Variants in DLGAP2 observed in about 807,000 individuals in gnomAD.
The protein encoded by DLGAP2 is DLG associated protein 2, also known as disks large-associated protein 2.
Under a neutral mutation model 100.3 loss-of-function variants are expected in DLGAP2, and 26 were observed. The ratio of observed to expected loss-of-function variants is 0.26; its 90% CI spans 0.19 to 0.36. The LOEUF (loss-of-function observed/expected upper bound fraction) is 0.36. Ranked by LOEUF, DLGAP2 falls within the 10% of genes least tolerant of loss-of-function variation. The pLI is 1.00. For missense variants in DLGAP2, 1,858 were observed against 1,453.2 expected, an observed-to-expected ratio of 1.28 and a Z score of -4.53; for synonymous variants, 886 against 630.1, an observed-to-expected ratio of 1.41 and a Z score of -6.08.
At position 1,683,315 on chromosome 8, in the gene DLGAP2, C is replaced by G. The variant is rs539714937; in HGVS notation, c.2704+4686C>G. On this transcript the variant is annotated intron_variant, in intron 12 of 14. Transcript: ENST00000637795. The stretch of plus-strand genomic sequence containing the variant: ...GATGGTGGTGACTGAAAAGGAGATT[C>G]AAGAGTCCACGCAGAGGCAGAGAAC... 8.7e-4 allele frequency among the ~76,000 whole-genome samples: 132 copies of G among 151,576 alleles called. 1 individual carries two copies. Among genetic ancestry groups the G allele is most frequent in the African/African-American group, 3.1e-3 (129 of 41,464 alleles).
At chr8:1,661,716 C>G (rs1027961224) in intron 8 of DLGAP2, among the ~76,000 whole-genome samples, 3 of 152,144 alleles carry the variant, frequency 2.0e-5, no homozygotes, top group African/African-American at 7.2e-5. Flanking sequence ...ATGATGCTAT[C>G]TGGGAGGCCT....
rs760210268 is a variant in DLGAP2 at position 1,546,726 on chromosome 8, C to T, written c.173-1900C>T. 3.9e-5 allele frequency among the ~76,000 whole-genome samples: 6 copies of T among 152,092 alleles called. No individual in the cohort carries two copies. In the South Asian group the frequency reaches 1.2e-3, roughly 32 times the overall value. ...GAGTCAGAGTGGGTGGCTCTCCAAG[C>T]GCAGGGCATGATGGACTCACCCCAA... On this transcript the variant is annotated intron_variant, in intron 4 of 14. Coordinates refer to ENST00000637795, the MANE Select transcript of DLGAP2 (RefSeq NM_001346810.2).
chr8:1,602,868 C>G (rs1029829175), intron 6 of DLGAP2, among the ~76,000 whole-genome samples: 1 of 152,194 alleles, frequency 6.6e-6, no homozygotes, highest in African/African-American at 2.4e-5. Flanking sequence ...GACAGGTGAT[C>G]AGTAATAAAA....
At chr8:880,888 T>A (rs1339027999) in intron 1 of DLGAP2, among the ~76,000 whole-genome samples, 2 of 152,244 alleles carry the variant, frequency 1.3e-5, no homozygotes, top group East Asian at 1.9e-4. Flanking sequence ...CCTCCATGCA[T>A]AAACATAATG....
intron 12 of DLGAP2, among the ~76,000 whole-genome samples, chr8:1,690,757 A>AT (rs1799239997): frequency 6.6e-6 from 1 of 151,852 alleles, no homozygotes; most frequent in African/African-American, 2.4e-5. Flanking sequence ...AAATAAAGTC[A>AT]TTGCAATTAG....
chr8:1,391,785 A>T (rs1434981269), intron 3 of DLGAP2, among the ~76,000 whole-genome samples: 1 of 152,268 alleles, frequency 6.6e-6, no homozygotes, highest in East Asian at 1.9e-4. Context: ...CCCTTTCTCA[A>T]GCCAGTTTAT....
chr8:741,784 C>G (rs1820492820), intron 1 of DLGAP2, among the ~76,000 whole-genome samples: 1 of 152,212 alleles, frequency 6.6e-6, no homozygotes, highest in African/African-American at 2.4e-5. Context: ...GAGGTGGCTC[C>G]TGACTGGCCG....
intron 3 of DLGAP2, among the ~76,000 whole-genome samples, chr8:1,271,761 T>C (rs11782870): frequency 0.025 from 3,775 of 152,312 alleles, 55 homozygotes; most frequent in Middle Eastern, 0.065. Flanking sequence ...TTGTTTAAGA[T>C]GAATAAATTC....
chr8:1,006,683 C>T (rs1481468016), intron 2 of DLGAP2, among the ~76,000 whole-genome samples: 11 of 100,618 alleles, frequency 1.1e-4, no homozygotes, highest in Non-Finnish European at 5.6e-5. Flanking sequence ...GGGCGCCCTG[C>T]GTCTCAAGTC....
chr8:1,312,106 C>G (rs1298108724), intron 3 of DLGAP2, among the ~76,000 whole-genome samples: 1 of 152,218 alleles, frequency 6.6e-6, no homozygotes, highest in Non-Finnish European at 1.5e-5. Context: ...AACACAGATT[C>G]TTCCCAAGCT....
At chr8:1,593,084 G>C (rs1250915650) in intron 6 of DLGAP2, among the ~76,000 whole-genome samples, 2 of 152,130 alleles carry the variant, frequency 1.3e-5, no homozygotes, top group Non-Finnish European at 2.9e-5. Context: ...TAATGGAGTA[G>C]GAAGGTCTGG....
intron 6 of DLGAP2, among the ~76,000 whole-genome samples, chr8:1,604,997 G>C (rs1489850689): frequency 6.6e-6 from 1 of 152,192 alleles, no homozygotes; most frequent in Admixed American, 6.5e-5. Flanking sequence ...GATAAAGATA[G>C]TGCAGTCGCT....
chr8:1,482,084 A>C (rs1799115256), intron 3 of DLGAP2, among the ~76,000 whole-genome samples: 2 of 152,250 alleles, frequency 1.3e-5, no homozygotes, highest in Admixed American at 1.3e-4. Context: ...ACAAGAAATG[A>C]AAGCATCCAA....
chr8:926,593 C>T (rs897237446), intron 2 of DLGAP2, among the ~76,000 whole-genome samples: 79 of 152,360 alleles, frequency 5.2e-4, no homozygotes, highest in Admixed American at 5.9e-4. Context: ...GGGAGGAGAG[C>T]GGCAGGTTTC....
chr8:1,372,657 G>C (rs1053194458), intron 3 of DLGAP2, among the ~76,000 whole-genome samples: 1 of 152,214 alleles, frequency 6.6e-6, no homozygotes, highest in African/African-American at 2.4e-5. Context: ...TTCAAAGCCA[G>C]TTATCTCAAT....
intron 6 of DLGAP2, among the ~76,000 whole-genome samples, chr8:1,573,520 T>G (rs79788528): frequency 1.3e-5 from 2 of 152,108 alleles, no homozygotes; most frequent in Non-Finnish European, 2.9e-5. Context: ...GACCCCTGAC[T>G]GCCATCCGTG....
At chr8:739,925 C>G (rs544247643) in intron 1 of DLGAP2, 5 of 152,380 alleles carry the variant, frequency 3.3e-5, no homozygotes, top group South Asian at 2.1e-4. Context: ...GTCCTCGGTT[C>G]TGTCTCGGGT....
At chr8:1,656,798 A>C (rs140551688) in intron 8 of DLGAP2, among the ~76,000 whole-genome samples, 40 of 152,304 alleles carry the variant, frequency 2.6e-4, no homozygotes, top group African/African-American at 9.6e-4. Context: ...TCGTGCCCCA[A>C]GTCATTCCAT....
At chr8:1,145,878 C>A (rs1796597607) in intron 2 of DLGAP2, among the ~76,000 whole-genome samples, 1 of 148,192 alleles carries the variant, frequency 6.7e-6, no homozygotes, top group Non-Finnish European at 1.5e-5. Context: ...GTTTTTTGTT[C>A]TTGCGATAGT....
Sources: allele counts gnomAD v4.1 joint callset (sites outside exome capture counted in the v4.1 genomes callset), GRCh38; gene constraint gnomAD v4.1.1; transcripts MANE v1.5; gene names NCBI Gene and HGNC (gene_info 2026-07-23, HGNC 2026-07-21).